SRRM4: variants seen among roughly 807,000 people sequenced by gnomAD.
The protein encoded by SRRM4 is serine/arginine repetitive matrix 4, also known as serine/arginine repetitive matrix protein 4.
In SRRM4, 33 loss-of-function variants were observed where a neutral mutation model predicts 68.9. The observed-to-expected ratio is 0.48, with a 90% CI of 0.36 to 0.64. The LOEUF is 0.64. Among genes scored for constraint, SRRM4 ranks in the 30% least tolerant of loss-of-function variants. The probability of loss-of-function intolerance (pLI) is 0.00; values close to 1 mark genes in which losing one functional copy is unlikely to be tolerated. For missense variants in SRRM4, 817 were observed against 827.1 expected, an observed-to-expected ratio of 0.99 and a Z score of 0.15; for synonymous variants, 318 against 318.8, an observed-to-expected ratio of 1.00 and a Z score of 0.03.
intron 9 of SRRM4, among the ~76,000 whole-genome samples, chr12:119,147,130 TC>T (rs1436426658): frequency 6.6e-6 from 1 of 152,162 alleles, no homozygotes; most frequent in African/African-American, 2.4e-5. Flanking sequence ...TATTCAGTGC[TC>T]GGAAGGTATG....
chr12:118,999,402 C>T (rs765125377), intron 1 of SRRM4, among the ~76,000 whole-genome samples: 8 of 152,122 alleles, frequency 5.3e-5, no homozygotes, highest in African/African-American at 7.2e-5. Context: ...CAGGGAGGGG[C>T]GGCCTCAGGG....
chr12:119,109,084 C>T (rs377521635), intron 2 of SRRM4, among the ~76,000 whole-genome samples: 1 of 152,036 alleles, frequency 6.6e-6, no homozygotes, highest in South Asian at 2.1e-4. Flanking sequence ...CTTATGAAGC[C>T]TAGTTTGGCT....
At chr12:119,056,382 C>T (rs920565267) in intron 1 of SRRM4, among the ~76,000 whole-genome samples, 15 of 152,192 alleles carry the variant, frequency 9.9e-5, no homozygotes, top group Non-Finnish European at 1.5e-4. Flanking sequence ...TCTCACTTTG[C>T]TGATGGAGAA....
chr12:119,156,796 T>C lies in SRRM4; in HGVS notation c.1834T>C (p.Ter612GlnextTer30). 6.6e-7 allele frequency: 1 copy of C among 1,525,832 alleles called. No individual in the cohort carries two copies. Among genetic ancestry groups the C allele is most frequent in the Non-Finnish European group, 8.8e-7 (1 of 1,136,962 alleles). The allele number at this position is 1,525,832 out of a possible 1,614,324, so 94.5% of individuals were successfully genotyped here. A position where few individuals can be genotyped will look rare whatever the true frequency, so the allele number is the denominator to read the frequency against. ...AGACAGCTACTCCAGCACGAGGCGC[T>C]AAGTGCCCCTGAGCCAGCTGCCCGT... ...SADSYSSTRR[*>Q] The change falls in exon 13 of 13, where the codon TAA becomes CAA. Residue 612 changes from the stop codon to glutamine (Q), a stop_lost. Coordinates refer to ENST00000267260, the MANE Select transcript of SRRM4 (RefSeq NM_194286.4).
At chr12:119,070,348 G>C (rs1049125087) in intron 1 of SRRM4, among the ~76,000 whole-genome samples, 5 of 152,096 alleles carry the variant, frequency 3.3e-5, no homozygotes, top group African/African-American at 1.2e-4. Context: ...GTTGTGAACA[G>C]GACAGACCAC....
At chr12:119,124,018 G>C (rs1309473493) in intron 6 of SRRM4, among the ~76,000 whole-genome samples, 2 of 152,198 alleles carry the variant, frequency 1.3e-5, no homozygotes, top group African/African-American at 2.4e-5. Flanking sequence ...ATTCCAGGCT[G>C]CAAGTTAAGC....
intron 1 of SRRM4, among the ~76,000 whole-genome samples, 179 bp downstream of exon 1, chr12:118,982,192 A>G (rs1953251993): frequency 6.6e-6 from 1 of 152,162 alleles, no homozygotes; most frequent in Non-Finnish European, 1.5e-5. Flanking sequence ...GAAGATGGTG[A>G]GAAGGGACAG....
chr12:119,144,610 G>A (rs528383625), intron 8 of SRRM4: 55 of 152,254 alleles, frequency 3.6e-4, no homozygotes, highest in African/African-American at 1.3e-3. Context: ...CCACTCAAGA[G>A]CCTTAGCTAC....
At chr12:119,144,076 C>T (rs1954385344) in intron 8 of SRRM4, among the ~76,000 whole-genome samples, 1 of 152,142 alleles carries the variant, frequency 6.6e-6, no homozygotes, top group Non-Finnish European at 1.5e-5. Flanking sequence ...TGCTGGCTTT[C>T]CATCGCCTCC....
At chr12:118,985,284 G>A (rs551027299) in intron 1 of SRRM4, among the ~76,000 whole-genome samples, 1 of 152,278 alleles carries the variant, frequency 6.6e-6, no homozygotes, top group South Asian at 2.1e-4. Flanking sequence ...CAGTTAGGGG[G>A]TTGGGGATAA....
At position 119,154,704 on chromosome 12, in the gene SRRM4, TG is replaced by T. The variant is rs1412903711; in HGVS notation, c.1532+326del. Among the ~76,000 whole-genome samples the T allele has an allele frequency of 1.3e-5, 2 of 151,680 alleles. No homozygotes were observed. Among genetic ancestry groups the T allele is most frequent in the Non-Finnish European group, 2.9e-5 (2 of 67,898 alleles). ...GGAGCTGGGGCCGGGGAGGCGGAGC[TG>T]GGGGAGAGAGTGGCGTCAGGCCAGG... is the stretch of plus-strand genomic sequence containing the variant. On this transcript the variant is annotated intron_variant, in intron 12 of 12. Transcript: ENST00000267260. This position sits in a 1 kb window ranked among gnomAD's most constrained non-coding sequence, Gnocchi z 4.7.
rs1294684925 is a variant in SRRM4, at chr12:119,160,265, G to GTC, written c.*3477_*3478dup. 4 of 110,390 alleles carry GTC rather than the reference G, an allele frequency of 3.6e-5. No homozygotes were observed. Among genetic ancestry groups the GTC allele is most frequent in the South Asian group, 3.0e-4 (1 of 3,280 alleles). 6.8% of individuals were successfully genotyped at this position (110,390 alleles called of 1,614,324 possible). Reference sequence around the variant, plus strand: ...GAAATCTCTGCCTCTCTCTCTCTCTGTCTCTCTCTCTGTCTCTCTCTCTGT... The same window carrying GTC: ...GAAATCTCTGCCTCTCTCTCTCTCTGTCTCTCTCTCTCTGTCTCTCTCTCTGT... On this transcript the variant is annotated 3_prime_UTR_variant, in exon 13 of 13. Transcript: ENST00000267260.
chr12:119,102,004 T>A (rs935661934), intron 1 of SRRM4, among the ~76,000 whole-genome samples: 2 of 152,122 alleles, frequency 1.3e-5, no homozygotes, highest in African/African-American at 4.8e-5. Flanking sequence ...GACTCTAAAG[T>A]CGCTATGACA....
At chr12:119,008,334 T>C (rs1049713200) in intron 1 of SRRM4, among the ~76,000 whole-genome samples, 2 of 150,914 alleles carry the variant, frequency 1.3e-5, no homozygotes, top group African/African-American at 4.9e-5. Context: ...ATTGCACCAC[T>C]GCACTCCAGC....
rs1193650154 is a variant in SRRM4, at chr12:119,125,431, C to T, written c.566C>T (p.Pro189Leu). The change falls in exon 7 of 13, where the codon CCC becomes CTC. Residue 189 changes from proline (P) to leucine (L), a missense_variant. Transcript: ENST00000267260. ...KSHRHRHHRC[P>L]SRSQSSESRP... ...CACCGCCACCGCCATCACCGCTGCC[C>T]CTCGCGGTCCCAGAGCTCGGAGTCC... 1 of 1,613,576 alleles carries T rather than the reference C, an allele frequency of 6.2e-7. No individual in the cohort carries two copies. The highest frequency in any genetic ancestry group is 2.2e-5 in the East Asian group (1 of 44,854).
chr12:119,114,672 T>C (rs1954166721), intron 3 of SRRM4, among the ~76,000 whole-genome samples: 1 of 139,930 alleles, frequency 7.1e-6, no homozygotes, highest in East Asian at 2.0e-4. Flanking sequence ...TTTTTTTTTT[T>C]TTTTTTTTTT....
intron 11 of SRRM4, among the ~76,000 whole-genome samples, 173 bp downstream of exon 11, chr12:119,153,822 T>C (rs918849302): frequency 6.6e-6 from 1 of 152,032 alleles, no homozygotes; most frequent in Middle Eastern, 3.2e-3. Context: ...AGGCATCAAA[T>C]ACCCTTGTTT....
chr12:119,075,365 A>G (rs1953901335), intron 1 of SRRM4, among the ~76,000 whole-genome samples: 2 of 150,954 alleles, frequency 1.3e-5, no homozygotes, highest in African/African-American at 4.9e-5. Context: ...GATGATGACG[A>G]TTATGATGGT....
intron 1 of SRRM4, among the ~76,000 whole-genome samples, chr12:119,005,409 C>T (rs188079976): frequency 1.3e-5 from 2 of 152,310 alleles, no homozygotes; most frequent in East Asian, 3.9e-4. Context: ...GTACTGACAC[C>T]TGGGCCCCAC....
Sources: gnomAD v4.1 joint callset for allele counts (sites outside exome capture counted in the v4.1 genomes callset) on GRCh38, gnomAD v4.1.1 for gene constraint, Gnocchi (gnomAD v3.1) non-coding constraint, MANE v1.5 for transcripts, NCBI Gene and HGNC (gene_info 2026-07-23, HGNC 2026-07-21) for gene names.